The following HOOK1 variants were observed in gnomAD, a reference collection of about 807,000 sequenced individuals.
HOOK1 encodes protein Hook homolog 1.
HOOK1 carries 60 observed loss-of-function variants against 112.8 expected under a neutral mutation model. The ratio of observed to expected loss-of-function variants is 0.53; its 90% CI spans 0.43 to 0.66. The LOEUF is 0.66. Among genes scored for constraint, HOOK1 ranks in the 30% least tolerant of loss-of-function variants. The probability of loss-of-function intolerance (pLI) is 0.00; values close to 1 mark genes in which losing one functional copy is unlikely to be tolerated. For synonymous variants in HOOK1, 294 were observed against 283.8 expected, an observed-to-expected ratio of 1.04 and a Z score of -0.36; for missense variants, 770 against 856.0, an observed-to-expected ratio of 0.90 and a Z score of 1.25.
At chr1:59,824,173 G>A (rs2098388109) in intron 2 of HOOK1, among the ~76,000 whole-genome samples, 2 of 151,312 alleles carry the variant, frequency 1.3e-5, no homozygotes, top group Admixed American at 1.3e-4. Flanking sequence ...TTTACCATAT[G>A]TCTTTGAACA....
rs140687313 is a variant in HOOK1 at position 59,830,966 on chromosome 1, T to C, written c.223-1197T>C. Among the ~76,000 whole-genome samples the C allele has an allele frequency of 3.9e-3, 583 of 151,104 alleles. 4 individuals carry two copies. Among genetic ancestry groups the C allele is most frequent in the African/African-American group, 0.014 (561 of 41,180 alleles). On this transcript the variant is annotated intron_variant, in intron 3 of 21. Transcript: ENST00000371208. ...CCCAGCCTGGAGTGAAGTGGTGCAATCTCAGCTCACTGCAACCTCTGCCCC... is the reference window on the plus strand; with the variant it reads ...CCCAGCCTGGAGTGAAGTGGTGCAACCTCAGCTCACTGCAACCTCTGCCCC...
intron 4 of HOOK1, 41 bp from the exon 5 acceptor site, chr1:59,833,364 G>T: frequency 7.2e-7 from 1 of 1,392,370 alleles, no homozygotes; most frequent in Admixed American, 2.5e-5. Flanking sequence ...ATTCTTTGCA[G>T]CCGACATAAA....
chr1:59,868,201 T>A lies in HOOK1; in HGVS notation c.1846-49T>A, dbSNP rs1643999543. ...TTTTGTAAGATATGTTCTATATGTT[T>A]TAATACTTTAAAATATAAAGTGAAC... is the stretch of plus-strand genomic sequence containing the variant. On this transcript the variant is annotated intron_variant, in intron 19 of 21. Coordinates refer to ENST00000371208, the MANE Select transcript of HOOK1 (RefSeq NM_015888.6). 4 of 1,000,926 alleles carry A rather than the reference T, an allele frequency of 4.0e-6. No individual in the cohort carries two copies. The East Asian group carries it at 1.0e-4, about 26-fold the overall frequency. 62.0% of individuals were successfully genotyped at this position (1,000,926 alleles called of 1,614,324 possible). A position where few individuals can be genotyped will look rare whatever the true frequency, so the allele number is the denominator to read the frequency against.
At position 59,874,714 on chromosome 1, in the gene HOOK1, G is replaced by C. The variant is rs1157524314; in HGVS notation, c.*1749G>C. ...GGCCAGATTTGGCTTGCATGCTGTA[G>C]AGCTGTGGTCTAAATTTTATTCATA... On this transcript the variant is annotated 3_prime_UTR_variant, in exon 22 of 22. Coordinates refer to ENST00000371208, the MANE Select transcript of HOOK1 (RefSeq NM_015888.6). 1 of 152,292 alleles carries C rather than the reference G, an allele frequency of 6.6e-6. No individual in the cohort carries two copies. 9.4% of individuals were successfully genotyped at this position (152,292 alleles called of 1,614,324 possible).
intron 2 of HOOK1, among the ~76,000 whole-genome samples, chr1:59,827,809 C>T (rs1002958828): frequency 2.6e-5 from 4 of 151,622 alleles, no homozygotes; most frequent in African/African-American, 7.3e-5. Context: ...TTCAGTTTTG[C>T]GTTCTTAAAT....
chr1:59,839,037 G>T (rs1318401271), intron 7 of HOOK1, among the ~76,000 whole-genome samples: 4 of 152,102 alleles, frequency 2.6e-5, no homozygotes. Flanking sequence ...TGAGGGCCCT[G>T]TTCTGTTCCA....
intron 12 of HOOK1, among the ~76,000 whole-genome samples, chr1:59,852,393 T>C (rs1478750274): frequency 1.3e-5 from 2 of 151,754 alleles, no homozygotes; most frequent in African/African-American, 2.4e-5. Context: ...TTCTAGAGAT[T>C]TGTCAATTTA....
At chr1:59,835,894 C>T (rs1413498223) in intron 6 of HOOK1, among the ~76,000 whole-genome samples, 1 of 152,052 alleles carries the variant, frequency 6.6e-6, no homozygotes, top group Non-Finnish European at 1.5e-5. Context: ...CTGCCACTCA[C>T]CTGCTTCTGT....
At chr1:59,845,085 G>A (rs1019396490) in intron 9 of HOOK1, among the ~76,000 whole-genome samples, 17 of 151,872 alleles carry the variant, frequency 1.1e-4, no homozygotes, top group Admixed American at 9.9e-4. Context: ...TCACAATTCT[G>A]AAGACTGGGA....
rs146323306 is a variant in HOOK1, at chr1:59,849,918, G to C, written c.1242+735G>C. 3.3e-5 allele frequency among the ~76,000 whole-genome samples: 5 copies of C among 151,670 alleles called. No homozygotes were observed. In the South Asian group the frequency reaches 8.3e-4, roughly 25 times the overall value. On this transcript the variant is annotated intron_variant, in intron 12 of 21. Coordinates refer to ENST00000371208, the MANE Select transcript of HOOK1 (RefSeq NM_015888.6). ...TTTTGGCTGTTATGAATAATGCTATGAATGTTTATGTACAAATTTTTATTT... is the reference window on the plus strand; with the variant it reads ...TTTTGGCTGTTATGAATAATGCTATCAATGTTTATGTACAAATTTTTATTT...
intron 8 of HOOK1, 110 bp downstream of exon 8, chr1:59,840,501 T>C: frequency 2.0e-6 from 1 of 492,630 alleles, no homozygotes; most frequent in Non-Finnish European, 3.4e-6. Flanking sequence ...TTTGACTTCA[T>C]GGAGGTAACA....
chr1:59,862,754 A>C (rs993255129), intron 15 of HOOK1, 30 bp from the exon 16 acceptor site: 1 of 1,363,040 alleles, frequency 7.3e-7, no homozygotes, highest in Non-Finnish European at 1.0e-6. Context: ...TTTCAATACA[A>C]GTAAATGCTT....
In HOOK1 at chr1:59,848,351, A is replaced by G; in HGVS notation, c.966A>G (p.Thr322=). ...TSDKANKLES[T]VEIYRQKLQD... is the part of the protein sequence containing the mutation. ...ATAAAGCAAATAAACTGGAGTCAAC[A>G]GTTGAGATATATCGTCAGAAGCTAC... Residue 322 remains threonine (T), a synonymous_variant, in exon 11 of 22, where the codon ACA becomes ACG. Coordinates refer to ENST00000371208, the MANE Select transcript of HOOK1 (RefSeq NM_015888.6). 6.2e-7 allele frequency: 1 copy of G among 1,611,206 alleles called. No individual in the cohort carries two copies.
chr1:59,820,906 C>T (rs1574171102), intron 1 of HOOK1, among the ~76,000 whole-genome samples: 1 of 152,248 alleles, frequency 6.6e-6, no homozygotes, highest in South Asian at 2.1e-4. Flanking sequence ...GTTTAGTTTG[C>T]TGGTATCATT....
rs544353022 is a variant in HOOK1, at chr1:59,870,074, C to T, written c.1948-968C>T. On this transcript the variant is annotated intron_variant, in intron 20 of 21. Coordinates refer to ENST00000371208, the MANE Select transcript of HOOK1 (RefSeq NM_015888.6). Reference sequence around the variant, plus strand: ...AAATAGTTACTTCTCCTCTCTGGCTCACCATCTTCTCATCTATAAAATGGT... The same window carrying T: ...AAATAGTTACTTCTCCTCTCTGGCTTACCATCTTCTCATCTATAAAATGGT... Among the ~76,000 whole-genome samples the T allele has an allele frequency of 3.9e-5, 6 of 152,316 alleles. No individual in the cohort carries two copies. In the East Asian group the frequency reaches 7.7e-4, roughly 20 times the overall value.
At chr1:59,823,478 T>G (rs1166532002) in intron 2 of HOOK1, among the ~76,000 whole-genome samples, 1 of 152,218 alleles carries the variant, frequency 6.6e-6, no homozygotes, top group Non-Finnish European at 1.5e-5. Context: ...ATGCCTTGCC[T>G]TCTTCTCATC....
rs1644096432 is a variant in HOOK1, at chr1:59,873,974, G to A, written c.*1009G>A. 1 of 151,834 alleles carries A rather than the reference G, an allele frequency of 6.6e-6. No homozygotes were observed. Among genetic ancestry groups the A allele is most frequent in the Non-Finnish European group, 1.5e-5 (1 of 67,932 alleles). 9.4% of individuals were successfully genotyped at this position (151,834 alleles called of 1,614,324 possible). On this transcript the variant is annotated 3_prime_UTR_variant, in exon 22 of 22. Coordinates refer to ENST00000371208, the MANE Select transcript of HOOK1 (RefSeq NM_015888.6). ...AAGGAGTTTATCTTGGGCTCAGTTT[G>A]TGGTATTCAGTTCGTTTCTGCCCAA...
Position 59,868,419 on chromosome 1 carries a change from TATTTGTC to T in HOOK1, c.1947+72_1947+78del, listed in dbSNP as rs138517908. On this transcript the variant is annotated intron_variant, in intron 20 of 21. Coordinates refer to ENST00000371208, the MANE Select transcript of HOOK1 (RefSeq NM_015888.6). ...ATCCTGGTAATTAACTGCTGTCATA[TATTTGTC>T]ATTAATGATCAAGTTTTACAAGAAG... is the stretch of plus-strand genomic sequence containing the variant. The T allele has an allele frequency of 6.5e-5, 58 of 890,206 alleles. No homozygotes were observed. The African/African-American group carries it at 9.0e-4, about 14-fold the overall frequency. 55.1% of individuals were successfully genotyped at this position (890,206 alleles called of 1,614,324 possible). A position where few individuals can be genotyped will look rare whatever the true frequency, so the allele number is the denominator to read the frequency against.
chr1:59,820,492 C>T (rs2098384827), intron 1 of HOOK1, among the ~76,000 whole-genome samples: 1 of 152,134 alleles, frequency 6.6e-6, no homozygotes. Context: ...ACTGCATGTT[C>T]CCTAAAAATA....
Sources: allele counts gnomAD v4.1 joint callset (sites outside exome capture counted in the v4.1 genomes callset), GRCh38; gene constraint gnomAD v4.1.1; transcripts MANE v1.5; gene names NCBI Gene and HGNC (gene_info 2026-07-23, HGNC 2026-07-21).